The following ARID1B variants were observed in gnomAD, a reference collection of about 807,000 sequenced individuals.
ARID1B encodes AT-rich interactive domain-containing protein 1B.
In ARID1B, 30 loss-of-function variants were observed where a neutral mutation model predicts 212.3. The observed-to-expected ratio is 0.14, with a 90% CI of 0.11 to 0.19. ARID1B has a LOEUF of 0.19. Among genes scored for constraint, ARID1B ranks in the 10% least tolerant of loss-of-function variants. The probability of loss-of-function intolerance (pLI) is 1.00; values close to 1 mark genes in which losing one functional copy is unlikely to be tolerated. For missense variants in ARID1B, 2,891 were observed against 3,204.0 expected, an observed-to-expected ratio of 0.90 and a Z score of 2.36; for synonymous variants, 1,402 against 1,301.7, an observed-to-expected ratio of 1.08 and a Z score of -1.66.
At chr6:157,081,481 G>A (rs187079199) in intron 4 of ARID1B, among the ~76,000 whole-genome samples, 175 of 152,260 alleles carry the variant, frequency 1.1e-3, no homozygotes, top group Middle Eastern at 3.4e-3. Context: ...TATAAAAGTC[G>A]CGTGAGTGTG....
At chr6:157,166,271 C>T (rs1049074472) in intron 8 of ARID1B, 1 of 152,330 alleles carries the variant, frequency 6.6e-6, no homozygotes, top group African/African-American at 2.4e-5. Flanking sequence ...CTCTTGACCT[C>T]TTTGCAAGAG....
intron 2 of ARID1B, chr6:156,870,645 C>T (rs145561601): frequency 6.6e-6 from 1 of 151,828 alleles, no homozygotes; most frequent in Non-Finnish European, 1.5e-5. Context: ...TGTGTGGTAA[C>T]TTAGACCTGG....
At chr6:157,004,903 T>TG (rs1159982323) in intron 4 of ARID1B, among the ~76,000 whole-genome samples, 10,440 of 82,004 alleles carry the variant, frequency 0.13, 1,306 homozygotes, top group Non-Finnish European at 0.16. Context: ...TTTTCTTTTT[T>TG]TTTTTTTTTT....
chr6:156,834,241 A>C (rs1328278634), intron 2 of ARID1B, among the ~76,000 whole-genome samples: 1 of 152,190 alleles, frequency 6.6e-6, no homozygotes, highest in Non-Finnish European at 1.5e-5. Context: ...TGAATCCAAT[A>C]GTCAGGGCTT....
At chr6:157,045,595 C>T (rs1166437655) in intron 4 of ARID1B, among the ~76,000 whole-genome samples, 1 of 152,118 alleles carries the variant, frequency 6.6e-6, no homozygotes, top group Non-Finnish European at 1.5e-5. Context: ...ACTTGGCTAA[C>T]TCTCTGAGTG....
intron 1 of ARID1B, among the ~76,000 whole-genome samples, chr6:156,808,343 T>G (rs1781325890): frequency 6.6e-6 from 1 of 152,202 alleles, no homozygotes; most frequent in Non-Finnish European, 1.5e-5. Context: ...CTTTTTTTGG[T>G]ATGGTACTCA....
chr6:157,146,232 C>A (rs1279343532), intron 7 of ARID1B, among the ~76,000 whole-genome samples: 1 of 152,224 alleles, frequency 6.6e-6, no homozygotes. Context: ...CATCAAGTGG[C>A]ACCAACAATT....
At chr6:156,897,276 A>ATTATTATTG (rs1788553472) in intron 2 of ARID1B, among the ~76,000 whole-genome samples, 2 of 108,776 alleles carry the variant, frequency 1.8e-5, no homozygotes, top group Admixed American at 1.9e-4. Flanking sequence ...TATTATTATT[A>ATTATTATTG]TTATTATTAT....
chr6:156,959,956 A>G (rs550126296), intron 4 of ARID1B, among the ~76,000 whole-genome samples: 273 of 140,684 alleles, frequency 1.9e-3, no homozygotes, highest in African/African-American at 7.1e-3. Context: ...CTCGAGACAG[A>G]GTCTCACTCT....
At chr6:156,790,744 A>T (rs1196505161) in intron 1 of ARID1B, among the ~76,000 whole-genome samples, 1 of 152,192 alleles carries the variant, frequency 6.6e-6, no homozygotes, top group Non-Finnish European at 1.5e-5. Context: ...TGCATACAGG[A>T]GGCAGAGACA....
intron 3 of ARID1B, among the ~76,000 whole-genome samples, chr6:156,931,150 CA>C (rs1440435407): frequency 2.1e-5 from 3 of 145,446 alleles, no homozygotes; most frequent in Non-Finnish European, 4.5e-5. Flanking sequence ...AGATTGCGCC[CA>C]CTGCACTACA....
In ARID1B at chr6:157,206,928, T is replaced by C. The variant is rs1794505094; in HGVS notation, c.6156T>C (p.Thr2052=). The change falls in exon 20 of 20, where the codon ACT becomes ACC. Residue 2052 remains threonine (T), a synonymous_variant. Coordinates refer to ENST00000636930, the MANE Select transcript of ARID1B (RefSeq NM_001374828.1). This position sits in a 1 kb window ranked among gnomAD's most constrained non-coding sequence, Gnocchi z 6.8. ...ACGAGCCCAGGAGCCGAGACGAGACTCCTCTGTGTACCATCGCGCACTGGC... is the reference window on the plus strand; with the variant it reads ...ACGAGCCCAGGAGCCGAGACGAGACCCCTCTGTGTACCATCGCGCACTGGC... ...LEDEPRSRDE[T]PLCTIAHWQD... 1.2e-6 allele frequency: 2 copies of C among 1,614,036 alleles called. No individual in the cohort carries two copies. The highest frequency in any genetic ancestry group is 4.5e-5 in the East Asian group (2 of 44,856).
intron 9 of ARID1B, chr6:157,173,622 C>G (rs1030773164): frequency 3.1e-5 from 5 of 159,708 alleles, no homozygotes; most frequent in Admixed American, 2.5e-4. Flanking sequence ...CCTCTAGGAC[C>G]TAGGTAGAAA....
intron 4 of ARID1B, among the ~76,000 whole-genome samples, chr6:157,053,357 A>G (rs1448153826): frequency 6.6e-6 from 1 of 152,210 alleles, no homozygotes; most frequent in East Asian, 1.9e-4. Flanking sequence ...AAGTTCTGGG[A>G]TTACAGGTGT....
chr6:157,060,836 T>C (rs922273491), intron 4 of ARID1B, among the ~76,000 whole-genome samples: 1 of 152,128 alleles, frequency 6.6e-6, no homozygotes, highest in South Asian at 2.1e-4. Context: ...TTCCTTTCCA[T>C]CTCAACAAAT....
At chr6:156,939,403 T>C (rs946213744) in intron 4 of ARID1B, 36 of 152,330 alleles carry the variant, frequency 2.4e-4, no homozygotes, top group Middle Eastern at 3.4e-3. Context: ...TTTTCACCTC[T>C]TGTGGCATTT....
At chr6:156,871,382 G>A (rs972308960) in intron 2 of ARID1B, among the ~76,000 whole-genome samples, 3 of 152,302 alleles carry the variant, frequency 2.0e-5, no homozygotes, top group South Asian at 4.1e-4. Flanking sequence ...TTATGCTATG[G>A]GCAGTCTGAA....
At chr6:157,193,645 C>A (rs141200513) in intron 15 of ARID1B, 14 of 152,368 alleles carry the variant, frequency 9.2e-5, no homozygotes, top group Non-Finnish European at 1.3e-4. Context: ...GCTGCAGCCT[C>A]CTCCATGGGG....
intron 1 of ARID1B, chr6:156,780,203 GAGTCA>G (rs1779148726): frequency 2.0e-5 from 3 of 152,334 alleles, no homozygotes; most frequent in Admixed American, 6.5e-5. Context: ...TGCTTGCAGG[GAGTCA>G]CCTTCAACAG....
Sources: gnomAD v4.1 joint callset for allele counts (sites outside exome capture counted in the v4.1 genomes callset) on GRCh38, gnomAD v4.1.1 for gene constraint, Gnocchi (gnomAD v3.1) non-coding constraint, MANE v1.5 for transcripts, NCBI Gene and HGNC (gene_info 2026-07-23, HGNC 2026-07-21) for gene names.